The following PTPRD variants were observed in gnomAD, a reference collection of about 807,000 sequenced individuals.
PTPRD encodes the protein receptor-type tyrosine-protein phosphatase delta.
PTPRD carries 34 observed loss-of-function variants against 214.5 expected under a neutral mutation model. The observed-to-expected ratio is 0.16, with a 90% CI of 0.12 to 0.21. The LOEUF is 0.21. Among genes scored for constraint, PTPRD ranks in the 10% least tolerant of loss-of-function variants. The probability of loss-of-function intolerance (pLI) is 1.00; values close to 1 mark genes in which losing one functional copy is unlikely to be tolerated. For synonymous variants in PTPRD, 1,128 were observed against 845.7 expected, an observed-to-expected ratio of 1.33 and a Z score of -5.79; for missense variants, 2,545 against 2,398.7, an observed-to-expected ratio of 1.06 and a Z score of -1.27.
chr9:9,478,482 C>A (rs2146947852), intron 8 of PTPRD, among the ~76,000 whole-genome samples: 1 of 152,262 alleles, frequency 6.6e-6, no homozygotes, highest in African/African-American at 2.4e-5. Context: ...ATTCTAACAA[C>A]AAACTTCATT....
chr9:8,823,128 C>G (rs556908796), intron 11 of PTPRD, among the ~76,000 whole-genome samples: 135 of 152,192 alleles, frequency 8.9e-4, no homozygotes, highest in African/African-American at 2.8e-3. Context: ...TCTTCTCTCC[C>G]GGTATTCTAC....
At chr9:10,488,531 C>T (rs1222422665) in intron 2 of PTPRD, among the ~76,000 whole-genome samples, 1 of 152,182 alleles carries the variant, frequency 6.6e-6, no homozygotes, top group African/African-American at 2.4e-5. Flanking sequence ...GGCCTGTGTC[C>T]TTCCATTCAG....
At chr9:8,795,395 T>C (rs1056860126) in intron 11 of PTPRD, among the ~76,000 whole-genome samples, 1 of 152,144 alleles carries the variant, frequency 6.6e-6, no homozygotes, top group Non-Finnish European at 1.5e-5. Context: ...CTCGAACTCC[T>C]GACCTCAGGC....
At chr9:9,636,238 G>A (rs1049802600) in intron 7 of PTPRD, among the ~76,000 whole-genome samples, 2 of 152,110 alleles carry the variant, frequency 1.3e-5, no homozygotes, top group African/African-American at 4.8e-5. Context: ...AGTCTTTCCC[G>A]ACACTGTATT....
At chr9:9,076,241 T>G (rs933995163) in intron 10 of PTPRD, among the ~76,000 whole-genome samples, 3 of 152,052 alleles carry the variant, frequency 2.0e-5, no homozygotes, top group African/African-American at 4.8e-5. Context: ...TGGGGTTGTT[T>G]GATTTTTTCT....
Position 9,026,330 on chromosome 9 carries a change from G to A in PTPRD, c.-142-7595C>T, listed in dbSNP as rs918350182. On this transcript the variant is annotated intron_variant, in intron 10 of 45. Coordinates refer to ENST00000381196, the MANE Select transcript of PTPRD (RefSeq NM_002839.4). The stretch of plus-strand genomic sequence containing the variant: ...GGCATGAAAAGCCTGGTTTAAGACA[G>A]GTAAGAGAGGAGGTGTAGGCCAGAT... Among the ~76,000 whole-genome samples the A allele has an allele frequency of 2.0e-5, 3 of 152,062 alleles. No homozygotes were observed. In the South Asian group the frequency reaches 6.2e-4, roughly 32 times the overall value.
chr9:8,739,936 C>A (rs866085677), intron 11 of PTPRD, among the ~76,000 whole-genome samples: 4 of 152,148 alleles, frequency 2.6e-5, no homozygotes, highest in Non-Finnish European at 5.9e-5. Flanking sequence ...TTTCACCCTC[C>A]ACCATGATTG....
At chr9:8,528,919 A>T (rs1314556985) in intron 14 of PTPRD, 140 bp from the exon 15 acceptor site, 2 of 755,536 alleles carry the variant, frequency 2.6e-6, no homozygotes, top group East Asian at 5.4e-5. Context: ...AAATTAGAAC[A>T]CAGTCACAAT....
chr9:9,245,384 G>A (rs1398618803), intron 9 of PTPRD, among the ~76,000 whole-genome samples: 4 of 152,114 alleles, frequency 2.6e-5, no homozygotes, highest in Non-Finnish European at 5.9e-5. Flanking sequence ...TTCCAACAAT[G>A]ATAGACTGGA....
At chr9:8,413,069 G>T (rs186763160) in intron 35 of PTPRD, among the ~76,000 whole-genome samples, 13 of 152,016 alleles carry the variant, frequency 8.6e-5, no homozygotes, top group African/African-American at 2.9e-4. Flanking sequence ...TTTAAAAGTC[G>T]GATTAGTTGA....
intron 7 of PTPRD, among the ~76,000 whole-genome samples, chr9:9,665,807 A>C (rs1434976649): frequency 6.6e-6 from 1 of 151,952 alleles, no homozygotes; most frequent in Non-Finnish European, 1.5e-5. Flanking sequence ...ACTGAGGTAA[A>C]CTAAGAAATT....
At chr9:8,351,942 A>G (rs143812278) in intron 39 of PTPRD, among the ~76,000 whole-genome samples, 1 of 152,146 alleles carries the variant, frequency 6.6e-6, no homozygotes, top group Non-Finnish European at 1.5e-5. Context: ...CTTGTATAGA[A>G]TACTGAAAGA....
intron 8 of PTPRD, among the ~76,000 whole-genome samples, chr9:9,495,450 C>A (rs1262237750): frequency 6.6e-6 from 1 of 152,034 alleles, no homozygotes; most frequent in African/African-American, 2.4e-5. Flanking sequence ...TTTTACCAAT[C>A]AAATGTTGCC....
Position 8,686,327 on chromosome 9 carries a change from T to C in PTPRD, c.64+47453A>G, listed in dbSNP as rs186385737. On this transcript the variant is annotated intron_variant, in intron 12 of 45. Coordinates refer to ENST00000381196, the MANE Select transcript of PTPRD (RefSeq NM_002839.4). ...AGATTTGAACACAGCTAACTTGGAATCTGAGTTCATGTACAACATATGTAT... is the reference window on the plus strand; with the variant it reads ...AGATTTGAACACAGCTAACTTGGAACCTGAGTTCATGTACAACATATGTAT... Among the ~76,000 whole-genome samples, 515 of 152,312 alleles carry C rather than the reference T, an allele frequency of 3.4e-3. 2 individuals carry two copies. The highest frequency in any genetic ancestry group is 5.6e-3 in the Non-Finnish European group (381 of 68,026).
chr9:8,773,651 T>C (rs1357993344), intron 11 of PTPRD, among the ~76,000 whole-genome samples: 2 of 152,238 alleles, frequency 1.3e-5, no homozygotes, highest in South Asian at 2.1e-4. Flanking sequence ...AAACACTTCA[T>C]TGAATTCCCA....
At chr9:8,687,607 T>C (rs1214258798) in intron 12 of PTPRD, among the ~76,000 whole-genome samples, 2 of 148,862 alleles carry the variant, frequency 1.3e-5, no homozygotes, top group African/African-American at 2.5e-5. Flanking sequence ...CTTGATCTAA[T>C]TTTTTAATGT....
At chr9:9,452,466 T>G (rs910271570) in intron 8 of PTPRD, among the ~76,000 whole-genome samples, 5 of 151,338 alleles carry the variant, frequency 3.3e-5, no homozygotes, top group Non-Finnish European at 7.4e-5. Context: ...TGGGTATATC[T>G]AAGTAAATAT....
intron 39 of PTPRD, among the ~76,000 whole-genome samples, chr9:8,361,566 T>G (rs944335859): frequency 1.3e-5 from 2 of 152,214 alleles, no homozygotes; most frequent in Non-Finnish European, 2.9e-5. Flanking sequence ...CCCTTTACAC[T>G]ACCTCTGTCC....
Position 9,500,976 on chromosome 9 carries a change from G to C in PTPRD, c.-237+73756C>G, listed in dbSNP as rs996296661. Among the ~76,000 whole-genome samples the C allele has an allele frequency of 1.1e-4, 16 of 151,816 alleles. No individual in the cohort carries two copies. The East Asian group carries it at 3.1e-3, about 29-fold the overall frequency. ...TTAAGGATAAATATTATAATCCCTA[G>C]AGCAACCATTAACAAAATACACACT... On this transcript the variant is annotated intron_variant, in intron 8 of 45. Transcript: ENST00000381196.
Sources: gnomAD v4.1 joint callset for allele counts (sites outside exome capture counted in the v4.1 genomes callset) on GRCh38, gnomAD v4.1.1 for gene constraint, MANE v1.5 for transcripts, NCBI Gene and HGNC (gene_info 2026-07-23, HGNC 2026-07-21) for gene names.